Variants in HHAT observed in about 807,000 individuals in gnomAD.
HHAT encodes the protein protein-cysteine N-palmitoyltransferase HHAT.
Under a neutral mutation model 70.8 loss-of-function variants are expected in HHAT, and 47 were observed. That is an observed-to-expected ratio of 0.66 (90% confidence interval 0.53 to 0.85). HHAT has a LOEUF of 0.85. Ranked by LOEUF, HHAT falls within the 40% of genes least tolerant of loss-of-function variation. The pLI is 0.00. For missense variants in HHAT, 609 were observed against 604.8 expected (o/e 1.01, Z -0.07); for synonymous variants, 228 against 247.6 (o/e 0.92, Z 0.74).
chr1:210,404,842 A>G (rs964344317), intron 6 of HHAT, among the ~76,000 whole-genome samples, 163 bp downstream of exon 6: 20 of 152,164 alleles, frequency 1.3e-4, no homozygotes, highest in African/African-American at 4.8e-4. Context: ...TGAAATACAT[A>G]TGAGAAATGA....
intron 3 of HHAT, among the ~76,000 whole-genome samples, chr1:210,372,272 C>G (rs1158231215): frequency 6.6e-6 from 1 of 152,036 alleles, no homozygotes; most frequent in African/African-American, 2.4e-5. Context: ...GAGTTTCTAG[C>G]CTTGGAATGA....
intron 7 of HHAT, among the ~76,000 whole-genome samples, chr1:210,439,070 T>C (rs1227609179): frequency 3.3e-5 from 5 of 151,934 alleles, no homozygotes; most frequent in African/African-American, 1.2e-4. Context: ...TTAAGTGGCA[T>C]TATTTAGTCT....
intron 7 of HHAT, among the ~76,000 whole-genome samples, chr1:210,430,559 A>G (rs1197993919): frequency 6.6e-6 from 1 of 151,898 alleles, no homozygotes. Context: ...AATGAAGATC[A>G]TAGTTTCTAA....
intron 9 of HHAT, among the ~76,000 whole-genome samples, chr1:210,564,371 G>A (rs949624174): frequency 2.0e-5 from 3 of 152,202 alleles, no homozygotes; most frequent in African/African-American, 7.2e-5. Flanking sequence ...CAGAGAATAA[G>A]TAGCCTGAGA....
chr1:210,567,945 A>G (rs1043018024), intron 9 of HHAT, among the ~76,000 whole-genome samples: 3 of 152,160 alleles, frequency 2.0e-5, no homozygotes, highest in Admixed American at 2.0e-4. Context: ...AACTCCTAAA[A>G]TCCTTGGAAT....
intron 10 of HHAT, chr1:210,588,504 G>C: frequency 6.2e-6 from 1 of 160,668 alleles, no homozygotes; most frequent in Non-Finnish European, 1.4e-5. Flanking sequence ...AAGTCACTGA[G>C]TCCATACCTA....
intron 10 of HHAT, among the ~76,000 whole-genome samples, chr1:210,616,288 C>T (rs1386657713): frequency 2.0e-5 from 3 of 152,178 alleles, no homozygotes; most frequent in Admixed American, 2.0e-4. Flanking sequence ...TCAACTTATT[C>T]CTCCTATCTA....
intron 1 of HHAT, among the ~76,000 whole-genome samples, chr1:210,331,268 A>G (rs550924957): frequency 3.3e-5 from 5 of 151,926 alleles, no homozygotes; most frequent in Non-Finnish European, 5.9e-5. Flanking sequence ...GTGTTGGTAG[A>G]CATTGACACC....
chr1:210,562,452 A>C (rs1329026255), intron 9 of HHAT, among the ~76,000 whole-genome samples: 5 of 151,788 alleles, frequency 3.3e-5, no homozygotes. Context: ...GAGGCCATTC[A>C]TGATTTGGAG....
At chr1:210,465,720 A>AG (rs1384668734) in intron 8 of HHAT, among the ~76,000 whole-genome samples, 1 of 152,242 alleles carries the variant, frequency 6.6e-6, no homozygotes, top group Non-Finnish European at 1.5e-5. Flanking sequence ...ATTCAAAAGG[A>AG]GGTAGTTAGC....
chr1:210,602,000 C>T (rs1042839982), intron 10 of HHAT, among the ~76,000 whole-genome samples: 5 of 143,598 alleles, frequency 3.5e-5, no homozygotes, highest in African/African-American at 1.3e-4. Context: ...TGTGCACACA[C>T]GCATGCAAAG....
chr1:210,625,854 C>T (rs542416508), intron 11 of HHAT, among the ~76,000 whole-genome samples: 1 of 152,158 alleles, frequency 6.6e-6, no homozygotes, highest in Non-Finnish European at 1.5e-5. Context: ...GACTGGTGCA[C>T]CAGGTGCTCA....
rs76294995 is a variant in HHAT at position 210,587,648 on chromosome 1, G to A, written c.1044-250G>A. On this transcript the variant is annotated intron_variant, in intron 9 of 11. Transcript: ENST00000261458. ...TGACTTCTTGCCCTGCCTCTTGTAA[G>A]TGCTATTTTGCTCTAGTAATGAGAG... 8.7e-3 allele frequency among the ~76,000 whole-genome samples: 1,325 copies of A among 152,292 alleles called. 26 individuals carry two copies. Among genetic ancestry groups the A allele is most frequent in the African/African-American group, 0.031 (1,274 of 41,574 alleles).
intron 11 of HHAT, among the ~76,000 whole-genome samples, chr1:210,669,972 G>A (rs1490237304): frequency 6.6e-6 from 1 of 152,088 alleles, no homozygotes; most frequent in Non-Finnish European, 1.5e-5. Context: ...AGAAGGGAAA[G>A]CCTGGAAGGA....
At chr1:210,627,906 G>A (rs938845152) in intron 11 of HHAT, among the ~76,000 whole-genome samples, 1 of 152,188 alleles carries the variant, frequency 6.6e-6, no homozygotes, top group African/African-American at 2.4e-5. Flanking sequence ...GAATTCTGCT[G>A]TGTCATGCTT....
At chr1:210,328,752 GAGCGGGGCTAGGGGCCCCGGGCCGCC>G (rs2084717039), upstream of HHAT, among the ~76,000 whole-genome samples, 1 of 152,226 alleles carries the variant, frequency 6.6e-6, no homozygotes, top group African/African-American at 2.4e-5. Flanking sequence ...GCCGAGGGGT[GAGCGGGGCTAGGGGCCCCGGGCCGCC>G]GGCGGGGCAA....
In HHAT at chr1:210,428,272, C is replaced by T. The variant is rs1290800526; in HGVS notation, c.856+9947C>T. On this transcript the variant is annotated intron_variant, in intron 7 of 11. Coordinates refer to ENST00000261458, the MANE Select transcript of HHAT (RefSeq NM_018194.6). Reference sequence around the variant, plus strand: ...TTATACACACATTTATGTTTTCCCCCAAATGAGCTTATACTATATATATAT... The same window carrying T: ...TTATACACACATTTATGTTTTCCCCTAAATGAGCTTATACTATATATATAT... Among the ~76,000 whole-genome samples the T allele has an allele frequency of 2.6e-5, 3 of 115,204 alleles. No homozygotes were observed. In the East Asian group the frequency reaches 7.5e-4, roughly 29 times the overall value. The allele number at this position is 115,204 out of a possible 152,430, so 75.6% of individuals were successfully genotyped here.
intron 11 of HHAT, among the ~76,000 whole-genome samples, chr1:210,625,253 G>T (rs779112369): frequency 6.6e-6 from 1 of 152,138 alleles, no homozygotes; most frequent in Non-Finnish European, 1.5e-5. Context: ...GATAAAGGTG[G>T]GTTACAGCAT....
At chr1:210,658,608 C>T (rs150750904) in intron 11 of HHAT, among the ~76,000 whole-genome samples, 419 of 152,304 alleles carry the variant, frequency 2.8e-3, no homozygotes, top group African/African-American at 9.5e-3. Flanking sequence ...CTACAGAACT[C>T]TCTACCCCAA....
Sources: allele counts gnomAD v4.1 joint callset (sites outside exome capture counted in the v4.1 genomes callset), GRCh38; gene constraint gnomAD v4.1.1; transcripts MANE v1.5; gene names NCBI Gene and HGNC (gene_info 2026-07-23, HGNC 2026-07-21).